The following ZFYVE16 variants were observed in gnomAD, a reference collection of about 807,000 sequenced individuals.
The protein encoded by ZFYVE16 is zinc finger FYVE domain-containing protein 16.
A neutral mutation model predicts 138.1 loss-of-function variants in ZFYVE16; 89 were observed. That is an observed-to-expected ratio of 0.64 (90% CI 0.54 to 0.77). The LOEUF is 0.77. Among genes scored for constraint, ZFYVE16 ranks in the 30% least tolerant of loss-of-function variants. The pLI is 0.00. For missense variants in ZFYVE16, 1,793 were observed against 1,786.7 expected, an observed-to-expected ratio of 1.00 and a Z score of -0.06; for synonymous variants, 596 against 618.3, an observed-to-expected ratio of 0.96 and a Z score of 0.53.
chr5:80,418,283 C>A (rs1330914271), intron 1 of ZFYVE16, among the ~76,000 whole-genome samples: 1 of 144,734 alleles, frequency 6.9e-6, no homozygotes, highest in African/African-American at 2.6e-5. Flanking sequence ...TTTCTTTTCC[C>A]TTCCCCTCCC....
At chr5:80,473,065 G>A in intron 16 of ZFYVE16, 142 bp downstream of exon 16, 1 of 859,414 alleles carries the variant, frequency 1.2e-6, no homozygotes, top group Non-Finnish European at 1.7e-6. Context: ...ATTAATGAAT[G>A]CAATCTTTTT....
rs1406228441 is a variant in ZFYVE16, at chr5:80,413,884, C to T, written c.-94+5731C>T. ...GATTTGAAGTATAGTTTACTCATTT[C>T]CTATTACAGAAGATGGGAGTTTAGG... On this transcript the variant is annotated intron_variant, in intron 1 of 18. Coordinates refer to ENST00000505560, the MANE Select transcript of ZFYVE16 (RefSeq NM_001284236.3). Among the ~76,000 whole-genome samples, 3 of 152,144 alleles carry T rather than the reference C, an allele frequency of 2.0e-5. No homozygotes were observed. The East Asian group carries it at 5.8e-4, about 29-fold the overall frequency.
chr5:80,443,930 T>C (rs376053070), intron 6 of ZFYVE16: 1 of 435,716 alleles, frequency 2.3e-6, no homozygotes, highest in South Asian at 1.6e-5. Flanking sequence ...GGTAAATAAT[T>C]GTTCTATCTC....
Position 80,471,438 on chromosome 5 carries a change from A to G in ZFYVE16, c.4025-1323A>G, listed in dbSNP as rs1376444036. 2.0e-5 allele frequency among the ~76,000 whole-genome samples: 3 copies of G among 152,328 alleles called. No homozygotes were observed. The East Asian group carries it at 5.8e-4, about 29-fold the overall frequency. ...TTATCTCTGTATACTGTACTTCTGC[A>G]TACAGATGTTATGTTAAAGAATTAC... On this transcript the variant is annotated intron_variant, in intron 15 of 18. Coordinates refer to ENST00000505560, the MANE Select transcript of ZFYVE16 (RefSeq NM_001284236.3).
At position 80,481,655 on chromosome 5, in the gene ZFYVE16, T is replaced by C. The variant is rs1340508118; in HGVS notation, c.*4278T>C. On this transcript the variant is annotated 3_prime_UTR_variant, in exon 19 of 19. Coordinates refer to ENST00000505560, the MANE Select transcript of ZFYVE16 (RefSeq NM_001284236.3). ...CATTCTTATGAAGATTTAAACAGGA[T>C]AGAGAATATCATAATATTCCAAATA... Among the ~76,000 whole-genome samples, 2 of 152,190 alleles carry C rather than the reference T, an allele frequency of 1.3e-5. No homozygotes were observed. Among genetic ancestry groups the C allele is most frequent in the East Asian group, 1.9e-4 (1 of 5,176 alleles).
At chr5:80,413,158 AGAGT>A (rs1745694529) in intron 1 of ZFYVE16, among the ~76,000 whole-genome samples, 1 of 151,604 alleles carries the variant, frequency 6.6e-6, no homozygotes, top group African/African-American at 2.4e-5. Context: ...CTTGCGCAAC[AGAGT>A]GAGACCCTGT....
At chr5:80,408,783 A>T (rs988145122) in intron 1 of ZFYVE16, among the ~76,000 whole-genome samples, 12 of 152,196 alleles carry the variant, frequency 7.9e-5, no homozygotes, top group Non-Finnish European at 1.6e-4. Context: ...CAGACTAAGG[A>T]TGTTCTTTCT....
chr5:80,439,071 A>G, intron 4 of ZFYVE16, 64 bp downstream of exon 4: 1 of 1,452,150 alleles, frequency 6.9e-7, no homozygotes, highest in Non-Finnish European at 9.3e-7. Flanking sequence ...ATACAATGTG[A>G]TAGAAAAGGC....
Position 80,437,583 on chromosome 5 carries a change from A to G in ZFYVE16, c.898A>G (p.Ser300Gly). The G allele has an allele frequency of 6.2e-7, 1 of 1,614,022 alleles. No homozygotes were observed. Among genetic ancestry groups the G allele is most frequent in the South Asian group, 1.1e-5 (1 of 91,052 alleles). Residue 300 changes from serine (S) to glycine (G), a missense_variant, in exon 4 of 19, where the codon AGT becomes GGT. Ser to Gly is a moderately conservative substitution (Grantham distance 56). Transcript: ENST00000505560. ...AECLKEEGKT[S>G]ALTCSLPKNE... ...ATGTTTAAAAGAAGAGGGCAAGACA[A>G]GTGCTTTGACCTGCAGCCTTCCGAA...
intron 5 of ZFYVE16, among the ~76,000 whole-genome samples, chr5:80,442,541 G>A (rs1270763749): frequency 6.6e-6 from 1 of 152,188 alleles, no homozygotes; most frequent in Non-Finnish European, 1.5e-5. Flanking sequence ...GGGAATAATA[G>A]GAGCAAAGAT....
In ZFYVE16 at chr5:80,438,224, A is replaced by G; in HGVS notation, c.1539A>G (p.Leu513=). 2 of 1,614,050 alleles carry G rather than the reference A, an allele frequency of 1.2e-6. No individual in the cohort carries two copies. Among genetic ancestry groups the G allele is most frequent in the Non-Finnish European group, 1.7e-6 (2 of 1,179,966 alleles). Residue 513 remains leucine (L), a synonymous_variant, in exon 4 of 19, where the codon TTA becomes TTG. Coordinates refer to ENST00000505560, the MANE Select transcript of ZFYVE16 (RefSeq NM_001284236.3). ...GCAATGATATGGATGGGCAAGACTTAGATTACTTTAATATTGATGAAGGCG... is the reference window on the plus strand; with the variant it reads ...GCAATGATATGGATGGGCAAGACTTGGATTACTTTAATATTGATGAAGGCG... ...FSSNDMDGQD[L]DYFNIDEGAK... is the part of the protein sequence containing the mutation.
chr5:80,455,862 C>T, intron 12 of ZFYVE16, 88 bp downstream of exon 12: 1 of 1,128,718 alleles, frequency 8.9e-7, no homozygotes, highest in Non-Finnish European at 1.2e-6. Context: ...TATTTTCCTA[C>T]TTTAATTTGC....
At position 80,438,755 on chromosome 5, in the gene ZFYVE16, T is replaced by C. The variant is rs759436753; in HGVS notation, c.2070T>C (p.Ala690=). The C allele has an allele frequency of 6.2e-7, 1 of 1,614,124 alleles. No homozygotes were observed. The highest frequency in any genetic ancestry group is 1.1e-5 in the South Asian group (1 of 91,082). Residue 690 remains alanine (A), a synonymous_variant, in exon 4 of 19, where the codon GCT becomes GCC. Transcript: ENST00000505560. ...TADTVVPITC[A]IDSTADPQVS... is the part of the protein sequence containing the mutation. Reference sequence around the variant, plus strand: ...ATACCGTTGTTCCAATCACTTGTGCTATAGATTCTACAGCTGATCCACAGG... The same window carrying C: ...ATACCGTTGTTCCAATCACTTGTGCCATAGATTCTACAGCTGATCCACAGG...
Position 80,451,410 on chromosome 5 carries a change from G to A in ZFYVE16, c.3383-75G>A, listed in dbSNP as rs373572533. 2.4e-5 allele frequency: 29 copies of A among 1,232,798 alleles called. 1 individual carries two copies. The African/African-American group carries it at 4.1e-4, about 18-fold the overall frequency. The allele number at this position is 1,232,798 out of a possible 1,614,324, so 76.4% of individuals were successfully genotyped here. On this transcript the variant is annotated intron_variant, in intron 10 of 18. Transcript: ENST00000505560. The stretch of plus-strand genomic sequence containing the variant: ...GTATTGGATCAGTTTTTTGGATTTT[G>A]GACAAACTAAGAACATTTCTTCAAA...
At chr5:80,416,720 A>G (rs1017141479) in intron 1 of ZFYVE16, among the ~76,000 whole-genome samples, 5 of 151,974 alleles carry the variant, frequency 3.3e-5, no homozygotes, top group African/African-American at 1.2e-4. Context: ...GCATTACAAG[A>G]TGCTCTGTGC....
intron 1 of ZFYVE16, among the ~76,000 whole-genome samples, chr5:80,413,551 C>T (rs1474156180): frequency 6.6e-6 from 1 of 151,864 alleles, no homozygotes; most frequent in Non-Finnish European, 1.5e-5. Context: ...TCCCACTCTC[C>T]AGAAGCAGTC....
chr5:80,436,936 C>T lies in ZFYVE16; in HGVS notation c.251C>T (p.Thr84Ile). Residue 84 changes from threonine to isoleucine, a missense_variant, in exon 4 of 19, where the codon ACA becomes ATA. By Grantham distance (89) the Thr-to-Ile change is moderately conservative. Transcript: ENST00000505560. ...GTNESSLNEK[T>I]LKGLTSIQNE... ...AATGAGAGTTCCCTGAATGAAAAAACACTCAAGGGACTTACTTCTATACAA... is the reference window on the plus strand; with the variant it reads ...AATGAGAGTTCCCTGAATGAAAAAATACTCAAGGGACTTACTTCTATACAA... 6.2e-7 allele frequency: 1 copy of T among 1,614,080 alleles called. No homozygotes were observed. The highest frequency in any genetic ancestry group is 8.5e-7 in the Non-Finnish European group (1 of 1,179,986).
At chr5:80,433,565 T>C (rs1194479919) in intron 2 of ZFYVE16, among the ~76,000 whole-genome samples, 1 of 152,064 alleles carries the variant, frequency 6.6e-6, no homozygotes, top group Non-Finnish European at 1.5e-5. Flanking sequence ...TATGCACATG[T>C]ACCCTAGAAC....
intron 2 of ZFYVE16, among the ~76,000 whole-genome samples, chr5:80,428,872 T>C (rs1748551063): frequency 6.6e-6 from 1 of 152,010 alleles, no homozygotes; most frequent in Non-Finnish European, 1.5e-5. Flanking sequence ...GAAGATCAAA[T>C]GAATGAAATG....
Sources: allele counts gnomAD v4.1 joint callset (sites outside exome capture counted in the v4.1 genomes callset), GRCh38; gene constraint gnomAD v4.1.1; transcripts MANE v1.5; gene names NCBI Gene and HGNC (gene_info 2026-07-23, HGNC 2026-07-21).